NOX4: variants seen among roughly 807,000 people sequenced by gnomAD.
NOX4 encodes the protein kidney oxidase-1.
A neutral mutation model predicts 87.6 loss-of-function variants in NOX4; 69 were observed. The observed-to-expected ratio is 0.79, with a 90% CI of 0.65 to 0.96. The LOEUF is 0.96. Among genes scored for constraint, NOX4 ranks in the 40% least tolerant of loss-of-function variants. The pLI is 0.00. For synonymous variants in NOX4, 275 were observed against 238.2 expected (o/e 1.15, Z -1.42); for missense variants, 680 against 681.5 (o/e 1.00, Z 0.02).
At chr11:89,489,727 C>CA (rs35606793) in intron 2 of NOX4, among the ~76,000 whole-genome samples, 74,513 of 116,428 alleles carry the variant, frequency 0.64, 24,023 homozygotes, top group Non-Finnish European at 0.75. Flanking sequence ...GACTCTGTCT[C>CA]AAAAAAAAAA....
At chr11:89,585,663 G>A in the NOX4 span, among the ~76,000 whole-genome samples, 1 of 152,140 alleles carries the variant, frequency 6.6e-6, no homozygotes, top group African/African-American at 2.4e-5. Context: ...TTGGTGATCA[G>A]CCCCTGCTTT....
the NOX4 span, chr11:89,548,263 TTAGTGTCTTTATAGGAA>T: frequency 6.6e-6 from 1 of 152,100 alleles, no homozygotes; most frequent in African/African-American, 2.4e-5. Flanking sequence ...ATTAATGGAA[TTAGTGTCTTTATAGGAA>T]AAGACCAGAA....
chr11:89,561,459 C>A, the NOX4 span, among the ~76,000 whole-genome samples: 2 of 152,000 alleles, frequency 1.3e-5, no homozygotes, highest in Admixed American at 6.6e-5. Flanking sequence ...TATCTTACAG[C>A]GCTGCTGTGA....
chr11:89,544,533 G>C, the NOX4 span, among the ~76,000 whole-genome samples: 1 of 151,970 alleles, frequency 6.6e-6, no homozygotes, highest in Non-Finnish European at 1.5e-5. Flanking sequence ...AGTGGTATAG[G>C]CAGCATTGTA....
chr11:89,537,418 T>G, the NOX4 span, among the ~76,000 whole-genome samples: 1 of 151,510 alleles, frequency 6.6e-6, no homozygotes, highest in Non-Finnish European at 1.5e-5. Context: ...TATATACATA[T>G]TATATAATAT....
chr11:89,459,529 A>G (rs1381582093), intron 2 of NOX4, among the ~76,000 whole-genome samples: 1 of 152,200 alleles, frequency 6.6e-6, no homozygotes, highest in African/African-American at 2.4e-5. Flanking sequence ...ACAAACAGAG[A>G]GCCAAATCAT....
chr11:89,364,997 C>T (rs574972748), intron 12 of NOX4, among the ~76,000 whole-genome samples: 10 of 152,146 alleles, frequency 6.6e-5, no homozygotes, highest in South Asian at 4.1e-4. Context: ...TTTCCACTGC[C>T]GTCATACTGC....
chr11:89,386,340 C>A (rs1380564545), intron 11 of NOX4, among the ~76,000 whole-genome samples: 4 of 152,298 alleles, frequency 2.6e-5, no homozygotes, highest in South Asian at 2.1e-4. Context: ...GTTTACACTG[C>A]CAGTTTACAC....
chr11:89,421,818 C>T (rs1282348593), intron 8 of NOX4, 84 bp downstream of exon 8: 2 of 728,904 alleles, frequency 2.7e-6, no homozygotes, highest in Non-Finnish European at 4.6e-6. Context: ...TTTACCACCT[C>T]CTATGAAATT....
chr11:89,515,134 T>C, the NOX4 span, among the ~76,000 whole-genome samples: 5 of 151,984 alleles, frequency 3.3e-5, 1 homozygote, highest in South Asian at 1.0e-3. Flanking sequence ...TATCCAGGAG[T>C]GCAATTGCTA....
the NOX4 span, among the ~76,000 whole-genome samples, chr11:89,532,879 TC>T: frequency 6.6e-6 from 1 of 152,132 alleles, no homozygotes; most frequent in Non-Finnish European, 1.5e-5. Context: ...GTGTGGCATT[TC>T]CCTGCTCACT....
At chr11:89,583,137 T>C in the NOX4 span, among the ~76,000 whole-genome samples, 3 of 152,126 alleles carry the variant, frequency 2.0e-5, no homozygotes, top group African/African-American at 7.2e-5. Context: ...TTACAAACAA[T>C]GGCCAAAATG....
chr11:89,382,180 T>C (rs1565218711), intron 11 of NOX4, among the ~76,000 whole-genome samples: 1 of 151,928 alleles, frequency 6.6e-6, no homozygotes, highest in Non-Finnish European at 1.5e-5. Context: ...TCTCTCCGTG[T>C]CCCTACCCTT....
chr11:89,554,983 T>C, the NOX4 span, among the ~76,000 whole-genome samples: 1 of 152,182 alleles, frequency 6.6e-6, no homozygotes, highest in Non-Finnish European at 1.5e-5. Context: ...TAGTATACTT[T>C]TAATGTAAGC....
At chr11:89,517,147 C>G in the NOX4 span, among the ~76,000 whole-genome samples, 1 of 152,012 alleles carries the variant, frequency 6.6e-6, no homozygotes. Flanking sequence ...TGATGTTATT[C>G]AAGTCATAAC....
At chr11:89,536,287 T>C in the NOX4 span, among the ~76,000 whole-genome samples, 12 of 151,832 alleles carry the variant, frequency 7.9e-5, no homozygotes, top group Non-Finnish European at 1.5e-4. Flanking sequence ...GCTGGGACTA[T>C]AGGCGCCCGC....
upstream of NOX4, among the ~76,000 whole-genome samples, chr11:89,491,934 C>T (rs1004758942): frequency 5.3e-5 from 8 of 152,082 alleles, no homozygotes; most frequent in Admixed American, 2.6e-4. Flanking sequence ...CCCCTGACAG[C>T]CTTACCTAAG....
rs182861904 is a variant in NOX4 at position 89,438,515 on chromosome 11, C to T, written c.475+2173G>A. ...TAATATACAGCATATATATTATATA[C>T]TATATATACTATATATTACACACTA... On this transcript the variant is annotated intron_variant, in intron 6 of 17. Transcript: ENST00000263317. Among the ~76,000 whole-genome samples, 188 of 79,916 alleles carry T rather than the reference C, an allele frequency of 2.4e-3. 1 individual carries two copies. Among genetic ancestry groups the T allele is most frequent in the Non-Finnish European group, 2.8e-3 (142 of 50,870 alleles). 52.4% of individuals were successfully genotyped at this position (79,916 alleles called of 152,430 possible).
intron 8 of NOX4, among the ~76,000 whole-genome samples, chr11:89,417,408 C>A (rs1262239099): frequency 6.6e-6 from 1 of 151,870 alleles, no homozygotes; most frequent in Non-Finnish European, 1.5e-5. Flanking sequence ...GAATTGAATA[C>A]CTTTAAATTC....
Sources: gnomAD v4.1 joint callset for allele counts (sites outside exome capture counted in the v4.1 genomes callset) on GRCh38, gnomAD v4.1.1 for gene constraint, MANE v1.5 for transcripts, NCBI Gene and HGNC (gene_info 2026-07-23, HGNC 2026-07-21) for gene names.